LMBR1: variants seen among roughly 807,000 people sequenced by gnomAD.
LMBR1 encodes limb region 1 protein homolog.
A neutral mutation model predicts 73.9 loss-of-function variants in LMBR1; 52 were observed. That is an observed-to-expected ratio of 0.70 (90% CI 0.56 to 0.89). LMBR1 has a LOEUF of 0.89. Among genes scored for constraint, LMBR1 ranks in the 40% least tolerant of loss-of-function variants. The pLI is 0.00. For missense variants in LMBR1, 539 were observed against 579.8 expected (o/e 0.93, Z 0.72); for synonymous variants, 215 against 209.4 (o/e 1.03, Z -0.23).
chr7:156,879,937 T>A (rs1304472110), intron 1 of LMBR1, among the ~76,000 whole-genome samples: 2 of 152,166 alleles, frequency 1.3e-5, no homozygotes, highest in East Asian at 3.9e-4. Flanking sequence ...TGGAAAACAG[T>A]GTGGAGATTT....
intron 5 of LMBR1, among the ~76,000 whole-genome samples, chr7:156,782,970 T>C (rs1160903590): frequency 6.6e-6 from 1 of 152,198 alleles, no homozygotes; most frequent in African/African-American, 2.4e-5. Flanking sequence ...TCTTTGCCTA[T>C]CTTGTAATAT....
intron 1 of LMBR1, among the ~76,000 whole-genome samples, chr7:156,873,357 C>T (rs538273597): frequency 2.6e-5 from 4 of 152,222 alleles, no homozygotes; most frequent in South Asian, 4.1e-4. Flanking sequence ...CAGATCTTCG[C>T]GGTGAGTGTT....
chr7:156,838,958 C>T (rs975602232), intron 1 of LMBR1, among the ~76,000 whole-genome samples: 1 of 151,904 alleles, frequency 6.6e-6, no homozygotes, highest in African/African-American at 2.4e-5. Flanking sequence ...CTTATATGTC[C>T]CTGATGATTA....
intron 8 of LMBR1, among the ~76,000 whole-genome samples, chr7:156,759,915 C>T (rs909619070): frequency 1.3e-5 from 2 of 152,122 alleles, no homozygotes; most frequent in African/African-American, 4.8e-5. Flanking sequence ...TTCCGACTGG[C>T]TATTTTAAAG....
intron 15 of LMBR1, among the ~76,000 whole-genome samples, chr7:156,718,421 GAAAAAA>G (rs112723285): frequency 7.1e-6 from 1 of 141,190 alleles, no homozygotes; most frequent in Non-Finnish European, 1.6e-5. Context: ...GAAGGAAAAA[GAAAAAA>G]AAAAATACTC....
chr7:156,864,867 G>T (rs1437557013), intron 1 of LMBR1, among the ~76,000 whole-genome samples: 1 of 151,904 alleles, frequency 6.6e-6, no homozygotes, highest in Non-Finnish European at 1.5e-5. Flanking sequence ...ACGGTGGTGG[G>T]TGCTTGTAAT....
intron 8 of LMBR1, among the ~76,000 whole-genome samples, chr7:156,759,542 A>G (rs994482707): frequency 2.6e-5 from 4 of 152,238 alleles, no homozygotes; most frequent in Admixed American, 1.3e-4. Flanking sequence ...AAATGAAATT[A>G]TGTGTGTAAA....
intron 16 of LMBR1, among the ~76,000 whole-genome samples, chr7:156,686,725 C>A (rs1228301478): frequency 6.6e-6 from 1 of 152,140 alleles, no homozygotes; most frequent in African/African-American, 2.4e-5. Flanking sequence ...AATTCAAAAG[C>A]TAAAGTTACG....
chr7:156,850,743 T>C (rs926502337), intron 1 of LMBR1, among the ~76,000 whole-genome samples: 20 of 152,360 alleles, frequency 1.3e-4, no homozygotes, highest in African/African-American at 4.1e-4. Context: ...AGGATGTATA[T>C]ATAAAGATGT....
intron 11 of LMBR1, 53 bp downstream of exon 11, chr7:156,728,591 G>T: frequency 7.7e-7 from 1 of 1,303,974 alleles, no homozygotes; most frequent in Non-Finnish European, 1.1e-6. Flanking sequence ...CTCAAATGCT[G>T]AAGTAAATAA....
At position 156,846,292 on chromosome 7, in the gene LMBR1, A is replaced by AAAC. The variant is rs1214435256; in HGVS notation, c.67-9410_67-9408dup. Among the ~76,000 whole-genome samples the AAAC allele has an allele frequency of 2.0e-5, 3 of 152,044 alleles. No homozygotes were observed. In the East Asian group the frequency reaches 5.8e-4, roughly 29 times the overall value. Reference sequence around the variant, plus strand: ...AACCCTGTCTTTTAAAAAAACAAACAAACAACAACAACAAAAACAAAGATG... The same window carrying AAAC: ...AACCCTGTCTTTTAAAAAAACAAACAAACAACAACAACAACAAAAACAAAGATG... On this transcript the variant is annotated intron_variant, in intron 1 of 16. Coordinates refer to ENST00000353442, the MANE Select transcript of LMBR1 (RefSeq NM_022458.4).
intron 15 of LMBR1, among the ~76,000 whole-genome samples, chr7:156,699,543 A>G (rs1252756001): frequency 1.3e-5 from 2 of 152,124 alleles, no homozygotes; most frequent in Admixed American, 6.5e-5. Context: ...ACAAAAGCCA[A>G]AATTGACAAA....
chr7:156,696,995 C>A (rs1203858411), intron 15 of LMBR1, among the ~76,000 whole-genome samples: 1 of 152,100 alleles, frequency 6.6e-6, no homozygotes, highest in Non-Finnish European at 1.5e-5. Flanking sequence ...TATTGGGGGA[C>A]CCTGCTGCCA....
downstream of LMBR1, chr7:156,676,245 G>A (rs201313342): frequency 2.7e-5 from 41 of 1,506,368 alleles, no homozygotes; most frequent in East Asian, 1.5e-4. Flanking sequence ...ATATGTGTGT[G>A]TATATATATA....
chr7:156,884,132 A>T (rs1174019416), intron 1 of LMBR1, among the ~76,000 whole-genome samples: 1 of 152,238 alleles, frequency 6.6e-6, no homozygotes, highest in Non-Finnish European at 1.5e-5. Context: ...TTTCTAATAC[A>T]TCATTCCACT....
At position 156,683,415 on chromosome 7, in the gene LMBR1, G is replaced by A. The variant is rs1184195193; in HGVS notation, c.*663C>T. On this transcript the variant is annotated 3_prime_UTR_variant, in exon 17 of 17. Coordinates refer to ENST00000353442, the MANE Select transcript of LMBR1 (RefSeq NM_022458.4). ...CCACAGCTTATTAGACTGTACAACA[G>A]AAGATATTCCTGTGGCTCTCTAAGG... is the stretch of plus-strand genomic sequence containing the variant. 6.6e-6 allele frequency: 1 copy of A among 152,662 alleles called. No homozygotes were observed. The highest frequency in any genetic ancestry group is 1.9e-4 in the East Asian group (1 of 5,198). 9.5% of individuals were successfully genotyped at this position (152,662 alleles called of 1,614,324 possible). A position where few individuals can be genotyped will look rare whatever the true frequency, so the allele number is the denominator to read the frequency against.
At chr7:156,777,602 T>C (rs1266814982) in intron 5 of LMBR1, among the ~76,000 whole-genome samples, 3 of 152,236 alleles carry the variant, frequency 2.0e-5, no homozygotes, top group Non-Finnish European at 4.4e-5. Flanking sequence ...GGTTCACAGA[T>C]ATACTGCTCA....
intron 5 of LMBR1, among the ~76,000 whole-genome samples, chr7:156,776,530 C>G (rs1826163908): frequency 6.6e-6 from 1 of 152,198 alleles, no homozygotes; most frequent in Admixed American, 6.5e-5. Flanking sequence ...AGAACTCCAA[C>G]TTTGAAACTG....
chr7:156,686,953 T>C (rs555533919), intron 16 of LMBR1, among the ~76,000 whole-genome samples: 189 of 152,362 alleles, frequency 1.2e-3, no homozygotes, highest in Non-Finnish European at 2.2e-3. Context: ...TCAGCTGAAA[T>C]GAGCTGTGAC....
Sources: allele counts gnomAD v4.1 joint callset (sites outside exome capture counted in the v4.1 genomes callset), GRCh38; gene constraint gnomAD v4.1.1; transcripts MANE v1.5; gene names NCBI Gene and HGNC (gene_info 2026-07-23, HGNC 2026-07-21).